Variants in FGD6 observed in about 807,000 individuals in gnomAD.
FGD6 encodes FYVE, RhoGEF and PH domain containing 6.
A neutral mutation model predicts 149.4 loss-of-function variants in FGD6; 90 were observed. That is an observed-to-expected ratio of 0.60 (90% confidence interval 0.51 to 0.72). The LOEUF is 0.72. FGD6 is among the 30% of genes least tolerant of loss of function. FGD6 has a pLI of 0.00. For synonymous variants in FGD6, 527 were observed against 584.0 expected (o/e 0.90, Z 1.41); for missense variants, 1,437 against 1,684.8 (o/e 0.85, Z 2.57).
At chr12:95,125,493 G>A (rs7306996) in intron 8 of FGD6, among the ~76,000 whole-genome samples, 133,497 of 152,164 alleles carry the variant, frequency 0.88, 58,904 homozygotes, top group African/African-American at 0.96. Context: ...AAAATTAGCC[G>A]GGTATGGTGG....
intron 9 of FGD6, among the ~76,000 whole-genome samples, chr12:95,112,880 T>C (rs150353820): frequency 9.2e-4 from 140 of 152,336 alleles, no homozygotes; most frequent in African/African-American, 3.2e-3. Context: ...CAGAATAATA[T>C]GCTTTTTTAG....
chr12:95,184,460 C>G (rs1288333524), intron 2 of FGD6, among the ~76,000 whole-genome samples: 1 of 152,210 alleles, frequency 6.6e-6, no homozygotes, highest in Non-Finnish European at 1.5e-5. Context: ...AAGGTCTACT[C>G]TAGACCAGTT....
chr12:95,208,912 T>G lies in FGD6; in HGVS notation c.2372A>C (p.Tyr791Ser). 2 of 1,614,150 alleles carry G rather than the reference T, an allele frequency of 1.2e-6. No homozygotes were observed. Among genetic ancestry groups the G allele is most frequent in the Non-Finnish European group, 1.7e-6 (2 of 1,180,014 alleles). Residue 791 changes from tyrosine to serine, a missense_variant, in exon 2 of 21, where the codon TAT becomes TCT. Physicochemically the swap from Tyr to Ser is moderately radical, Grantham distance 144. Around this residue, in one of 2 missense-constraint regions of FGD6, gnomAD observed 1,055 missense variants for 1,146.0 expected, o/e 0.92. Coordinates refer to ENST00000343958, the MANE Select transcript of FGD6 (RefSeq NM_018351.4). ...SSMEDADANV[Y>S]EVEEPYEAPD... ...AGCTTCATACGGCTCTTCTACCTCA[T>G]ACACATTTGCATCAGCGTCCTCCAT...
chr12:95,129,277 ATC>A (rs1278571863), intron 8 of FGD6, among the ~76,000 whole-genome samples: 8 of 56,692 alleles, frequency 1.4e-4, no homozygotes, highest in African/African-American at 1.1e-3. Flanking sequence ...CCGTCCATGC[ATC>A]TATGCATCCA....
At chr12:95,114,443 T>TAC (rs60238488) in intron 8 of FGD6, among the ~76,000 whole-genome samples, 1,928 of 125,366 alleles carry the variant, frequency 0.015, 16 homozygotes, top group Middle Eastern at 0.023. Flanking sequence ...CCATCTCTAC[T>TAC]ACACACACAC....
chr12:95,168,392 G>A (rs776811490), intron 3 of FGD6, among the ~76,000 whole-genome samples: 8 of 152,170 alleles, frequency 5.3e-5, no homozygotes, highest in South Asian at 4.1e-4. Flanking sequence ...AGCCAGGCGC[G>A]GTGGATCACG....
chr12:95,194,059 A>AG (rs1486816190), intron 2 of FGD6, among the ~76,000 whole-genome samples: 24 of 152,058 alleles, frequency 1.6e-4, no homozygotes, highest in Middle Eastern at 3.4e-3. Context: ...TCAGACTCCC[A>AG]AGTAGCTAGG....
At chr12:95,152,705 T>G (rs1880345668) in intron 5 of FGD6, 106 bp downstream of exon 5, 2 of 990,882 alleles carry the variant, frequency 2.0e-6, no homozygotes, top group Non-Finnish European at 1.5e-6. Flanking sequence ...ACATACATTT[T>G]AGAAAATGTC....
intron 2 of FGD6, among the ~76,000 whole-genome samples, chr12:95,181,240 G>A (rs937844325): frequency 6.6e-6 from 1 of 152,300 alleles, no homozygotes; most frequent in African/African-American, 2.4e-5. Context: ...TGTTGACTAC[G>A]TCACAGTGAA....
intron 7 of FGD6, among the ~76,000 whole-genome samples, chr12:95,136,754 A>T (rs1565905242): frequency 6.6e-6 from 1 of 152,238 alleles, no homozygotes; most frequent in Non-Finnish European, 1.5e-5. Flanking sequence ...AATCAAGTTC[A>T]TTGAGTCAGA....
At chr12:95,119,999 G>A (rs747150835) in intron 8 of FGD6, among the ~76,000 whole-genome samples, 1 of 151,814 alleles carries the variant, frequency 6.6e-6, no homozygotes, top group Non-Finnish European at 1.5e-5. Flanking sequence ...GGGAGGCTGA[G>A]GCGGGAGGAT....
At chr12:95,089,508 T>C in intron 18 of FGD6, 61 bp downstream of exon 18, 4 of 1,541,750 alleles carry the variant, frequency 2.6e-6, no homozygotes, top group East Asian at 4.6e-5. Context: ...AAAAACGGTG[T>C]ATTATATGCA....
intron 13 of FGD6, 52 bp downstream of exon 13, chr12:95,106,902 C>CAA: frequency 1.5e-6 from 2 of 1,290,568 alleles, no homozygotes; most frequent in Non-Finnish European, 2.1e-6. Context: ...TCAAACAAAA[C>CAA]AAAACAAAAC....
At chr12:95,117,341 C>T (rs1879046594) in intron 8 of FGD6, among the ~76,000 whole-genome samples, 1 of 152,174 alleles carries the variant, frequency 6.6e-6, no homozygotes. Flanking sequence ...TTAACTCCAT[C>T]ACCATCACCC....
intron 2 of FGD6, among the ~76,000 whole-genome samples, chr12:95,199,205 G>A (rs533621852): frequency 6.6e-6 from 1 of 152,118 alleles, no homozygotes; most frequent in Non-Finnish European, 1.5e-5. Flanking sequence ...CCATTTCTGT[G>A]GTGTGGGCAA....
At chr12:95,194,370 A>G (rs902967270) in intron 2 of FGD6, among the ~76,000 whole-genome samples, 1 of 150,900 alleles carries the variant, frequency 6.6e-6, no homozygotes, top group Non-Finnish European at 1.5e-5. Flanking sequence ...TGAATAGCTC[A>G]GATTACAGGC....
At chr12:95,171,917 T>C (rs1478454552) in intron 3 of FGD6, among the ~76,000 whole-genome samples, 1 of 152,014 alleles carries the variant, frequency 6.6e-6, no homozygotes, top group Admixed American at 6.6e-5. Context: ...CAAATGATGA[T>C]GTACTATTAA....
Position 95,078,897 on chromosome 12 carries a change from G to A in FGD6, c.*2623C>T, listed in dbSNP as rs1441026928. Reference sequence around the variant, plus strand: ...ACTCTTTCCTCCTTATGAATTAAAAGGAGATACCTGAAAAAGGGTTTGATG... The same window carrying A: ...ACTCTTTCCTCCTTATGAATTAAAAAGAGATACCTGAAAAAGGGTTTGATG... On this transcript the variant is annotated 3_prime_UTR_variant, in exon 21 of 21. Transcript: ENST00000343958. The A allele has an allele frequency of 2.0e-5, 3 of 152,098 alleles. No homozygotes were observed. The highest frequency in any genetic ancestry group is 7.2e-5 in the African/African-American group (3 of 41,430). 9.4% of individuals were successfully genotyped at this position (152,098 alleles called of 1,614,324 possible). A position where few individuals can be genotyped will look rare whatever the true frequency, so the allele number is the denominator to read the frequency against.
intron 3 of FGD6, among the ~76,000 whole-genome samples, chr12:95,171,086 C>T (rs980908049): frequency 2.0e-5 from 3 of 152,166 alleles, no homozygotes; most frequent in African/African-American, 7.2e-5. Context: ...TTAATCTTCA[C>T]AATTCTATGA....
Sources: allele counts gnomAD v4.1 joint callset (sites outside exome capture counted in the v4.1 genomes callset), GRCh38; gene constraint gnomAD v4.1.1; regional missense constraint gnomAD v4.1.1; transcripts MANE v1.5; gene names NCBI Gene and HGNC (gene_info 2026-07-23, HGNC 2026-07-21).